The following SMCHD1 variants were observed in gnomAD, a reference collection of about 807,000 sequenced individuals.
SMCHD1 encodes structural maintenance of chromosomes flexible hinge domain containing 1.
In SMCHD1, 78 loss-of-function variants were observed where a neutral mutation model predicts 254.7. That is an observed-to-expected ratio of 0.31 (90% CI 0.26 to 0.37). SMCHD1 has a LOEUF of 0.37. Ranked by LOEUF, SMCHD1 falls within the 10% of genes least tolerant of loss-of-function variation. The pLI, the probability that SMCHD1 is intolerant of heterozygous loss-of-function variation, is 1.00. For missense variants in SMCHD1, 1,840 were observed against 2,408.1 expected (o/e 0.76, Z 4.94); for synonymous variants, 766 against 794.9 (o/e 0.96, Z 0.61).
At chr18:2,763,976 C>G in intron 37 of SMCHD1, 187 bp downstream of exon 37, 1 of 518,650 alleles carries the variant, frequency 1.9e-6, no homozygotes, top group Non-Finnish European at 3.2e-6. Flanking sequence ...ATAAGTAAGA[C>G]TCTCGTTTTT....
chr18:2,694,800 C>T, intron 8 of SMCHD1, 107 bp downstream of exon 8: 1 of 892,230 alleles, frequency 1.1e-6, no homozygotes, highest in Non-Finnish European at 1.7e-6. Flanking sequence ...GCTCCTGTCT[C>T]ATTTTCTTCC....
chr18:2,779,792 T>C (rs1205999154), intron 44 of SMCHD1, among the ~76,000 whole-genome samples: 2 of 152,134 alleles, frequency 1.3e-5, no homozygotes, highest in African/African-American at 2.4e-5. Context: ...GAATAGCCAC[T>C]GCACTCCAGC....
chr18:2,766,488 CCTT>C (rs2075871511), intron 37 of SMCHD1, among the ~76,000 whole-genome samples: 1 of 152,202 alleles, frequency 6.6e-6, no homozygotes, highest in African/African-American at 2.4e-5. Context: ...AAACTCAAGT[CCTT>C]CTTGGCTCCT....
intron 44 of SMCHD1, among the ~76,000 whole-genome samples, chr18:2,783,738 A>C (rs2143811763): frequency 6.6e-6 from 1 of 152,028 alleles, no homozygotes; most frequent in South Asian, 2.1e-4. Flanking sequence ...ATGCCCAGCT[A>C]ATTTTTGTGT....
At chr18:2,749,955 A>T in intron 30 of SMCHD1, 88 bp from the exon 31 acceptor site, 1 of 1,156,202 alleles carries the variant, frequency 8.6e-7, no homozygotes, top group Admixed American at 2.7e-5. Context: ...AAATAGGAAT[A>T]GAGGGAAAGA....
chr18:2,783,912 C>A (rs898358228), intron 44 of SMCHD1, among the ~76,000 whole-genome samples: 1 of 152,164 alleles, frequency 6.6e-6, no homozygotes, highest in African/African-American at 2.4e-5. Context: ...CTTTTCCCAT[C>A]CATGACTTCA....
At chr18:2,728,710 G>A (rs1236004794) in intron 23 of SMCHD1, 114 bp downstream of exon 23, 10 of 1,142,700 alleles carry the variant, frequency 8.8e-6, no homozygotes, top group East Asian at 8.2e-5. Flanking sequence ...CGATTATTCC[G>A]TGGAAGGATT....
rs775311111 is a variant in SMCHD1 at position 2,726,540 on chromosome 18, G to C, written c.2773+16G>C. On this transcript the variant is annotated intron_variant, in intron 22 of 47. Transcript: ENST00000320876. ...TTACTACCTGGTAATATTATTTCAAGAAATATAATTATTTAAAATAATTTT... is the reference window on the plus strand; with the variant it reads ...TTACTACCTGGTAATATTATTTCAACAAATATAATTATTTAAAATAATTTT... 2 of 1,154,376 alleles carry C rather than the reference G, an allele frequency of 1.7e-6. No homozygotes were observed. The highest frequency in any genetic ancestry group is 5.5e-5 in the East Asian group (2 of 36,656). 71.5% of individuals were successfully genotyped at this position (1,154,376 alleles called of 1,614,324 possible).
In SMCHD1 at chr18:2,706,346, G is replaced by A. The variant is rs769324689; in HGVS notation, c.1957-18G>A. 6.7e-7 allele frequency: 1 copy of A among 1,485,250 alleles called. No homozygotes were observed. The highest frequency in any genetic ancestry group is 1.3e-5 in the South Asian group (1 of 75,778). The allele number at this position is 1,485,250 out of a possible 1,614,324, so 92.0% of individuals were successfully genotyped here. ...TTAAATAGTTTTCTTTGAAATGTTG[G>A]TAAATGTATTTATTCAGGAACCTCA... On this transcript the variant is annotated intron_variant, in intron 14 of 47. Transcript: ENST00000320876.
At position 2,701,164 on chromosome 18, in the gene SMCHD1, G is replaced by T. The variant is rs115550964; in HGVS notation, c.1647+246G>T. On this transcript the variant is annotated intron_variant, in intron 12 of 47. Transcript: ENST00000320876. ...TTACATATCTTCATTAGTTTTTTTT[G>T]TTTTTTTTTTTTTAAGACAGGAGTT... 0.071 allele frequency: 13,974 copies of T among 195,984 alleles called. 610 individuals carry two copies. Among genetic ancestry groups the T allele is most frequent in the South Asian group, 0.095 (640 of 6,746 alleles). 12.1% of individuals were successfully genotyped at this position (195,984 alleles called of 1,614,324 possible).
At chr18:2,656,469 C>T (rs1243729823) in intron 1 of SMCHD1, among the ~76,000 whole-genome samples, 1 of 152,222 alleles carries the variant, frequency 6.6e-6, no homozygotes, top group Non-Finnish European at 1.5e-5. Context: ...AAGTGCAGGG[C>T]CGGCTCCCCC....
intron 29 of SMCHD1, among the ~76,000 whole-genome samples, chr18:2,746,170 AAAAAT>A (rs1219168594): frequency 1.6e-4 from 25 of 152,324 alleles, no homozygotes; most frequent in Admixed American, 1.2e-3. Flanking sequence ...AAAAAAGTAA[AAAAAT>A]AAAATAAAAT....
intron 37 of SMCHD1, among the ~76,000 whole-genome samples, chr18:2,766,300 A>G (rs2075868066): frequency 1.3e-5 from 2 of 152,148 alleles, no homozygotes; most frequent in Non-Finnish European, 2.9e-5. Context: ...GCCTGTCTCC[A>G]GTTTTCTTGG....
chr18:2,738,294 G>T, intron 25 of SMCHD1, 103 bp from the exon 26 acceptor site: 1 of 1,078,246 alleles, frequency 9.3e-7, no homozygotes, highest in Non-Finnish European at 1.3e-6. Flanking sequence ...TTTCTTGGGG[G>T]TGAAGAAGAC....
chr18:2,745,098 C>G (rs909609330), intron 29 of SMCHD1, among the ~76,000 whole-genome samples: 2 of 152,232 alleles, frequency 1.3e-5, no homozygotes, highest in Admixed American at 1.3e-4. Context: ...CCGCCTTGGC[C>G]TCCCGAAGTG....
chr18:2,736,650 TCAA>T (rs202176743), intron 25 of SMCHD1, among the ~76,000 whole-genome samples: 2,769 of 145,396 alleles, frequency 0.019, 33 homozygotes, highest in Middle Eastern at 0.05. Context: ...GAAAAAATGT[TCAA>T]CATCATAATC....
At chr18:2,790,676 G>T (rs1302311309) in intron 45 of SMCHD1, among the ~76,000 whole-genome samples, 1 of 152,162 alleles carries the variant, frequency 6.6e-6, no homozygotes, top group Non-Finnish European at 1.5e-5. Flanking sequence ...CAAGAGAATT[G>T]CTTGAACCCA....
Position 2,669,034 on chromosome 18 carries a change from C to G in SMCHD1, c.424+2003C>G, listed in dbSNP as rs1206088579. Among the ~76,000 whole-genome samples the G allele has an allele frequency of 2.7e-5, 4 of 148,036 alleles. No individual in the cohort carries two copies. The Admixed American group carries it at 2.8e-4, about 10-fold the overall frequency. On this transcript the variant is annotated intron_variant, in intron 3 of 47. Transcript: ENST00000320876. ...GGACTACAAGTGCATACCACCATGCCCAGCTAATTAAAAAAAAAAAAAAAA... is the reference window on the plus strand; with the variant it reads ...GGACTACAAGTGCATACCACCATGCGCAGCTAATTAAAAAAAAAAAAAAAA...
Position 2,786,243 on chromosome 18 carries a change from G to A in SMCHD1, c.5719+1622G>A, listed in dbSNP as rs570380042. ...GGCCTTAAGTGATCCACCTTCCTTGGCCTCCCAAAGTGCTGGAATTACAGG... is the reference window on the plus strand; with the variant it reads ...GGCCTTAAGTGATCCACCTTCCTTGACCTCCCAAAGTGCTGGAATTACAGG... On this transcript the variant is annotated intron_variant, in intron 45 of 47. Transcript: ENST00000320876. 3.9e-5 allele frequency among the ~76,000 whole-genome samples: 6 copies of A among 152,140 alleles called. No individual in the cohort carries two copies. In the East Asian group the frequency reaches 1.2e-3, roughly 29 times the overall value.
Sources: gnomAD v4.1 joint callset for allele counts (sites outside exome capture counted in the v4.1 genomes callset) on GRCh38, gnomAD v4.1.1 for gene constraint, MANE v1.5 for transcripts, NCBI Gene and HGNC (gene_info 2026-07-23, HGNC 2026-07-21) for gene names.